Variants in MAST4 observed in about 807,000 individuals in gnomAD.
The protein encoded by MAST4 is microtubule associated serine/threonine kinase family member 4, also known as microtubule-associated serine/threonine-protein kinase 4.
Under a neutral mutation model 162.7 loss-of-function variants are expected in MAST4, and 89 were observed. The observed-to-expected ratio is 0.55, with a 90% CI of 0.46 to 0.65. The LOEUF (loss-of-function observed/expected upper bound fraction) is 0.65. MAST4 is among the 30% of genes least tolerant of loss of function. The pLI is 0.00. For synonymous variants in MAST4, 1,479 were observed against 1,361.1 expected, an observed-to-expected ratio of 1.09 and a Z score of -1.91; for missense variants, 3,153 against 3,374.0, an observed-to-expected ratio of 0.93 and a Z score of 1.62.
intron 1 of MAST4, among the ~76,000 whole-genome samples, chr5:66,633,400 A>G (rs759982193): frequency 6.6e-6 from 1 of 152,208 alleles, no homozygotes; most frequent in Admixed American, 6.5e-5. Flanking sequence ...CAGGGTGTAC[A>G]ACTGGGAATT....
chr5:66,905,691 C>G (rs1419471211), intron 4 of MAST4, among the ~76,000 whole-genome samples: 1 of 152,124 alleles, frequency 6.6e-6, no homozygotes, highest in Non-Finnish European at 1.5e-5. Flanking sequence ...TATAAGACAC[C>G]AATTGATACA....
intron 6 of MAST4, among the ~76,000 whole-genome samples, chr5:67,092,657 C>T (rs753179280): frequency 1.1e-4 from 17 of 152,172 alleles, no homozygotes; most frequent in Non-Finnish European, 2.5e-4. Flanking sequence ...TTGATGGAAA[C>T]ATAGAGCCCT....
intron 1 of MAST4, among the ~76,000 whole-genome samples, chr5:66,619,515 G>A (rs1743938070): frequency 6.6e-6 from 1 of 151,884 alleles, no homozygotes; most frequent in African/African-American, 2.4e-5. Context: ...CATATACACG[G>A]GTACAGATGT....
At chr5:66,682,584 A>G (rs1455165372) in intron 1 of MAST4, among the ~76,000 whole-genome samples, 2 of 152,238 alleles carry the variant, frequency 1.3e-5, no homozygotes, top group Non-Finnish European at 2.9e-5. Context: ...GTTATGTTAG[A>G]TAATGCATAA....
rs1192862536 is a variant in MAST4 at position 67,104,531 on chromosome 5, T to C, written c.1312T>C (p.Tyr438His). The change falls in exon 10 of 29, where the codon TAC becomes CAC. Residue 438 changes from tyrosine to histidine, a missense_variant. Physicochemically the swap from Tyr to His is moderately conservative, Grantham distance 83. This residue lies in a region of MAST4 where 360 missense variants were observed against 450.0 expected (regional missense o/e 0.80). Coordinates refer to ENST00000403625, the MANE Select transcript of MAST4 (RefSeq NM_001164664.2). ...CCACCAGGGCCTCATCACCTCACGA[T>C]ACTTCCTTGAATTACAGCACAAATT... ...KSHQGLITSR[Y>H]FLELQHKLDK... The C allele has an allele frequency of 2.5e-6, 4 of 1,613,812 alleles. No individual in the cohort carries two copies. The highest frequency in any genetic ancestry group is 2.2e-5 in the East Asian group (1 of 44,860).
At chr5:67,015,089 C>A (rs1416231637) in intron 4 of MAST4, among the ~76,000 whole-genome samples, 2 of 152,172 alleles carry the variant, frequency 1.3e-5, no homozygotes, top group African/African-American at 4.8e-5. Flanking sequence ...TGACTCTTGG[C>A]ACTGATAAAC....
Position 66,849,930 on chromosome 5 carries a change from A to C in MAST4, c.643-50021A>C, listed in dbSNP as rs116243968. 9.4e-3 allele frequency among the ~76,000 whole-genome samples: 1,429 copies of C among 152,292 alleles called. 25 individuals are homozygous for C. The highest frequency in any genetic ancestry group is 0.033 in the African/African-American group (1,356 of 41,566). On this transcript the variant is annotated intron_variant, in intron 3 of 28. Coordinates refer to ENST00000403625, the MANE Select transcript of MAST4 (RefSeq NM_001164664.2). ...GGAGACTCTCTCAAGGTCTGCTTAG[A>C]TGTTAATGGGGTCCTTGGCAAAAGC...
chr5:67,151,682 G>C (rs1225572375), intron 24 of MAST4, among the ~76,000 whole-genome samples: 3 of 150,462 alleles, frequency 2.0e-5, no homozygotes, highest in African/African-American at 7.3e-5. Flanking sequence ...TGTCACCACA[G>C]TAATGTTATT....
chr5:66,736,957 A>G (rs1752191995), intron 1 of MAST4, among the ~76,000 whole-genome samples: 1 of 152,240 alleles, frequency 6.6e-6, no homozygotes, highest in African/African-American at 2.4e-5. Context: ...ATGGGTTGGT[A>G]TATAGTCCAT....
chr5:66,697,154 G>T (rs545413083), intron 1 of MAST4, among the ~76,000 whole-genome samples: 1 of 152,174 alleles, frequency 6.6e-6, no homozygotes, highest in Non-Finnish European at 1.5e-5. Context: ...TGTACTTGTT[G>T]CCAGTGATTT....
intron 4 of MAST4, among the ~76,000 whole-genome samples, chr5:66,938,392 T>C (rs548110311): frequency 6.6e-6 from 1 of 152,344 alleles, no homozygotes; most frequent in African/African-American, 2.4e-5. Flanking sequence ...AGCTTCTTGC[T>C]ATCCAGAAAG....
chr5:66,876,933 G>A (rs1580736334), intron 3 of MAST4, among the ~76,000 whole-genome samples: 2 of 152,276 alleles, frequency 1.3e-5, no homozygotes, highest in East Asian at 3.9e-4. Context: ...GTGGAACCAA[G>A]CTTAAAAAAT....
intron 4 of MAST4, chr5:67,005,027 C>T (rs746070522): frequency 3.7e-5 from 29 of 774,846 alleles, no homozygotes; most frequent in Non-Finnish European, 5.5e-5. Context: ...TTGGACTGTG[C>T]TCTCAAACTT....
intron 4 of MAST4, among the ~76,000 whole-genome samples, chr5:67,041,507 C>G (rs1225731841): frequency 1.3e-5 from 2 of 152,184 alleles, no homozygotes; most frequent in African/African-American, 4.8e-5. Context: ...TCCACAACAT[C>G]AAGTACTCTA....
chr5:67,063,155 A>G (rs1401640989), intron 5 of MAST4, among the ~76,000 whole-genome samples: 1 of 148,554 alleles, frequency 6.7e-6, no homozygotes, highest in African/African-American at 2.5e-5. Flanking sequence ...TCCATGCTGT[A>G]CTCACTTTTT....
intron 3 of MAST4, among the ~76,000 whole-genome samples, chr5:66,847,839 AAAAAG>A (rs1168259172): frequency 3.3e-5 from 5 of 151,058 alleles, no homozygotes; most frequent in East Asian, 2.0e-4. Context: ...AAAAAAAAAA[AAAAAG>A]AAAAACCTTA....
intron 4 of MAST4, among the ~76,000 whole-genome samples, chr5:66,917,591 TTTC>T (rs1199146526): frequency 1.3e-5 from 1 of 75,748 alleles, no homozygotes; most frequent in African/African-American, 6.5e-5. Context: ...TAGGATTCTC[TTTC>T]TTTTTTTTTT....
At chr5:67,147,176 T>C (rs1199022822) in intron 23 of MAST4, among the ~76,000 whole-genome samples, 2 of 151,982 alleles carry the variant, frequency 1.3e-5, no homozygotes, top group Non-Finnish European at 2.9e-5. Context: ...TCTCTCTCTC[T>C]CTCCCCCATA....
intron 27 of MAST4, 122 bp downstream of exon 27, chr5:67,160,714 G>A: frequency 9.6e-7 from 1 of 1,037,922 alleles, no homozygotes; most frequent in Non-Finnish European, 1.4e-6. Flanking sequence ...TTATGTTATG[G>A]TTCACATATA....
Sources: gnomAD v4.1 joint callset for allele counts (sites outside exome capture counted in the v4.1 genomes callset) on GRCh38, gnomAD v4.1.1 for gene constraint, gnomAD v4.1.1 regional missense constraint, MANE v1.5 for transcripts, NCBI Gene and HGNC (gene_info 2026-07-23, HGNC 2026-07-21) for gene names.